WBP1L: variants seen among roughly 807,000 people sequenced by gnomAD.
The protein encoded by WBP1L is WW domain binding protein 1-like.
In WBP1L, 17 loss-of-function variants were observed where a neutral mutation model predicts 33.7. The ratio of observed to expected loss-of-function variants is 0.50; its 90% CI spans 0.34 to 0.76. The LOEUF is 0.76. Among genes scored for constraint, WBP1L ranks in the 30% least tolerant of loss-of-function variants. WBP1L has a pLI of 0.01. For missense variants in WBP1L, 389 were observed against 469.4 expected (o/e 0.83, Z 1.58); for synonymous variants, 173 against 190.8 (o/e 0.91, Z 0.77).
intron 1 of WBP1L, among the ~76,000 whole-genome samples, chr10:102,768,388 TTTTTTTTTG>T (rs1449727063): frequency 5.1e-5 from 1 of 19,678 alleles, no homozygotes; most frequent in African/African-American, 5.1e-4. Flanking sequence ...TTTTTTTTTT[TTTTTTTTTG>T]AGACGGAGTC....
chr10:102,757,873 CCCT>C (rs1457160786), intron 1 of WBP1L, among the ~76,000 whole-genome samples: 2,102 of 35,494 alleles, frequency 0.059, 157 homozygotes, highest in Non-Finnish European at 0.093. Context: ...ACTGTACCTG[CCCT>C]CCCCCCCCCC....
At chr10:102,749,974 G>T (rs1341467301) in intron 1 of WBP1L, among the ~76,000 whole-genome samples, 4 of 151,344 alleles carry the variant, frequency 2.6e-5, no homozygotes, top group Non-Finnish European at 2.9e-5. Flanking sequence ...TAGATACGGG[G>T]TTTCACCATG....
In WBP1L at chr10:102,813,183, A is replaced by T. The variant is rs750525872; in HGVS notation, c.944A>T (p.Asp315Val). 1 of 1,613,838 alleles carries T rather than the reference A, an allele frequency of 6.2e-7. No individual in the cohort carries two copies. Among genetic ancestry groups the T allele is most frequent in the Admixed American group, 1.7e-5 (1 of 60,006 alleles). Residue 315 changes from aspartate (D) to valine (V), a missense_variant, in exon 4 of 4, where the codon GAT becomes GTT. Asp to Val is a radical substitution (Grantham distance 152). Transcript: ENST00000448841. Reference sequence around the variant, plus strand: ...AGCTGCCATGTGCGGCCCCCTGGTGATGAGGAGGAAGGCCTCTGTCAGTCC... The same window carrying T: ...AGCTGCCATGTGCGGCCCCCTGGTGTTGAGGAGGAAGGCCTCTGTCAGTCC... ...CDSCHVRPPG[D>V]EEEGLCQSSE... is the part of the protein sequence containing the mutation.
At chr10:102,807,920 GT>G (rs1389557392) in intron 2 of WBP1L, among the ~76,000 whole-genome samples, 1 of 151,596 alleles carries the variant, frequency 6.6e-6, no homozygotes, top group Non-Finnish European at 1.5e-5. Flanking sequence ...AATTTAATTT[GT>G]TTTGGCCGGG....
At chr10:102,763,207 C>A (rs1259900133) in intron 1 of WBP1L, among the ~76,000 whole-genome samples, 1,773 of 93,396 alleles carry the variant, frequency 0.019, no homozygotes, top group South Asian at 0.021. Flanking sequence ...ACTTTTGTCT[C>A]AAAAAAAAAA....
intron 1 of WBP1L, among the ~76,000 whole-genome samples, chr10:102,785,174 C>CCT (rs1843397698): frequency 7.2e-6 from 1 of 137,932 alleles, no homozygotes. Context: ...GCGCCAGGCA[C>CCT]CAGCCCACTT....
intron 1 of WBP1L, among the ~76,000 whole-genome samples, chr10:102,749,544 G>T (rs1842904454): frequency 6.6e-6 from 1 of 151,682 alleles, no homozygotes. Context: ...AACTCCTTGG[G>T]CTCAAGTGAT....
intron 2 of WBP1L, 84 bp downstream of exon 2, chr10:102,798,179 T>A (rs1369351129): frequency 8.4e-7 from 1 of 1,188,446 alleles, no homozygotes; most frequent in East Asian, 2.4e-5. Context: ...GCATTAGCCC[T>A]TTTCGGATTC....
At chr10:102,759,123 A>G (rs548388735) in intron 1 of WBP1L, among the ~76,000 whole-genome samples, 3 of 152,290 alleles carry the variant, frequency 2.0e-5, no homozygotes, top group Non-Finnish European at 4.4e-5. Context: ...CTGGTGGAGC[A>G]GAGTGTTCCC....
At chr10:102,810,115 C>T in intron 3 of WBP1L, 61 bp downstream of exon 3, 1 of 1,544,926 alleles carries the variant, frequency 6.5e-7, no homozygotes, top group Non-Finnish European at 8.7e-7. Flanking sequence ...ACCCAGGGCT[C>T]ACACTGAATA....
rs564326503 is a variant in WBP1L at position 102,744,121 on chromosome 10, C to T, written c.68C>T (p.Ser23Leu). Residue 23 changes from serine (S) to leucine (L), a missense_variant, in exon 1 of 4, where the codon TCA becomes TTA. Physicochemically the swap from Ser to Leu is moderately radical, Grantham distance 145. Coordinates refer to ENST00000448841, the MANE Select transcript of WBP1L (RefSeq NM_001083913.2). ...CTCCAGGCGCTGCCCAGCCCCTTGT[C>T]AGCCAGGGCTGAACCCCCGCAGGTA... ...LLLQALPSPL[S>L]ARAEPPQDKE... The T allele has an allele frequency of 2.1e-5, 33 of 1,552,638 alleles. No homozygotes were observed. The highest frequency in any genetic ancestry group is 2.7e-5 in the African/African-American group (2 of 73,226).
chr10:102,768,969 T>G (rs1843150811), intron 1 of WBP1L, among the ~76,000 whole-genome samples: 1 of 152,154 alleles, frequency 6.6e-6, no homozygotes, highest in South Asian at 2.1e-4. Flanking sequence ...ATTACAGGCT[T>G]GAGCCATTGC....
At chr10:102,747,836 A>G (rs1360645458) in intron 1 of WBP1L, among the ~76,000 whole-genome samples, 1 of 152,152 alleles carries the variant, frequency 6.6e-6, no homozygotes, top group African/African-American at 2.4e-5. Flanking sequence ...CCTAAACAGA[A>G]TATTTGACTA....
intron 1 of WBP1L, among the ~76,000 whole-genome samples, chr10:102,773,441 T>C (rs1297107544): frequency 6.6e-6 from 1 of 152,212 alleles, no homozygotes; most frequent in East Asian, 1.9e-4. Flanking sequence ...AAACACTGTC[T>C]TGGGTAGCAT....
intron 1 of WBP1L, among the ~76,000 whole-genome samples, chr10:102,792,576 CT>C (rs1180644830): frequency 1.4e-3 from 198 of 142,202 alleles, no homozygotes; most frequent in Admixed American, 2.3e-3. Context: ...TTCCTAGTTA[CT>C]TTTTTTTTTC....
At chr10:102,801,918 C>A (rs1216096555) in intron 2 of WBP1L, among the ~76,000 whole-genome samples, 5 of 104,790 alleles carry the variant, frequency 4.8e-5, no homozygotes, top group African/African-American at 1.6e-4. Context: ...TCTTCCTCTC[C>A]CCTCCCTCCC....
intron 1 of WBP1L, among the ~76,000 whole-genome samples, chr10:102,752,755 GT>G (rs1376571913): frequency 6.6e-6 from 1 of 152,086 alleles, no homozygotes; most frequent in African/African-American, 2.4e-5. Context: ...AGGAATGTTG[GT>G]TTGCTCTCAC....
intron 1 of WBP1L, among the ~76,000 whole-genome samples, chr10:102,746,468 C>A (rs1192162700): frequency 2.0e-5 from 3 of 152,102 alleles, no homozygotes; most frequent in Non-Finnish European, 4.4e-5. Flanking sequence ...ACCTTATACT[C>A]CTGTCTCTTT....
In WBP1L at chr10:102,784,688, G is replaced by T. The variant is rs561184298; in HGVS notation, c.91-13305G>T. On this transcript the variant is annotated intron_variant, in intron 1 of 3. Coordinates refer to ENST00000448841, the MANE Select transcript of WBP1L (RefSeq NM_001083913.2). The stretch of plus-strand genomic sequence containing the variant: ...GATCTGCCCACCTTGGCCTCCCAAA[G>T]TGCTGGGATTACAGGCGTGAGCCAC... 1.1e-4 allele frequency among the ~76,000 whole-genome samples: 17 copies of T among 152,048 alleles called. No homozygotes were observed. The South Asian group carries it at 3.5e-3, about 32-fold the overall frequency.
Sources: allele counts gnomAD v4.1 joint callset (sites outside exome capture counted in the v4.1 genomes callset), GRCh38; gene constraint gnomAD v4.1.1; transcripts MANE v1.5; gene names NCBI Gene and HGNC (gene_info 2026-07-23, HGNC 2026-07-21).